Variants in TSHZ3 observed in about 807,000 individuals in gnomAD.
TSHZ3 encodes teashirt zinc finger homeobox 3, also known as teashirt homolog 3.
A neutral mutation model predicts 64.5 loss-of-function variants in TSHZ3; 10 were observed. The observed-to-expected ratio is 0.16, with a 90% CI of 0.10 to 0.26. TSHZ3 has a LOEUF of 0.26. TSHZ3 is among the 10% of genes least tolerant of loss of function. TSHZ3 has a pLI of 1.00. For synonymous variants in TSHZ3, 608 were observed against 593.1 expected (o/e 1.03, Z -0.36); for missense variants, 1,242 against 1,421.7 (o/e 0.87, Z 2.03).
intron 1 of TSHZ3, among the ~76,000 whole-genome samples, chr19:31,245,754 G>A (rs920903381): frequency 1.3e-5 from 2 of 152,170 alleles, no homozygotes; most frequent in African/African-American, 4.8e-5. Flanking sequence ...TGCATTCCCT[G>A]CCTCTGACGG....
Position 31,249,196 on chromosome 19 carries a change from T to C in TSHZ3, n.64-6321A>G, listed in dbSNP as rs1044991035. ...GTCCCGTTGGGTTGCAGAAGCTTTT[T>C]ATTGAATAAAGTTCCAGGGCTCCAG... On this transcript the variant is annotated intron_variant and non_coding_transcript_variant, in intron 1 of 6. Coordinates refer to the TSHZ3 transcript ENST00000651361. Among the ~76,000 whole-genome samples the C allele has an allele frequency of 3.3e-5, 5 of 152,318 alleles. 1 individual carries two copies. The highest frequency in any genetic ancestry group is 4.1e-4 in the South Asian group (2 of 4,824).
chr19:31,282,905 G>A (rs535489895), intron 1 of TSHZ3, among the ~76,000 whole-genome samples: 26 of 152,278 alleles, frequency 1.7e-4, no homozygotes, highest in African/African-American at 5.8e-4. Flanking sequence ...TCTTTCAAGC[G>A]CACACCCTCG....
intron 1 of TSHZ3, among the ~76,000 whole-genome samples, chr19:31,319,964 T>G (rs1483146709): frequency 6.6e-6 from 1 of 152,046 alleles, no homozygotes; most frequent in African/African-American, 2.4e-5. Context: ...GGAGAGTTTC[T>G]TGCCAAATCA....
intron 4 of TSHZ3, among the ~76,000 whole-genome samples, chr19:31,217,959 A>G (rs1274823044): frequency 6.6e-6 from 1 of 152,228 alleles, no homozygotes; most frequent in Non-Finnish European, 1.5e-5. Flanking sequence ...AAGATAACAT[A>G]GGAGAAAATC....
intron 1 of TSHZ3, among the ~76,000 whole-genome samples, chr19:31,298,479 C>T (rs1976699361): frequency 6.6e-6 from 1 of 152,144 alleles, no homozygotes; most frequent in African/African-American, 2.4e-5. Context: ...TTGTTTTGTT[C>T]CATTTCCTTG....
At chr19:31,270,894 A>G (rs887252190), downstream of TSHZ3, among the ~76,000 whole-genome samples, 5 of 152,220 alleles carry the variant, frequency 3.3e-5, no homozygotes, top group Non-Finnish European at 5.9e-5. Flanking sequence ...TTTATTAAGA[A>G]TATATCAGTA....
chr19:31,311,511 G>C (rs542718869), intron 1 of TSHZ3, among the ~76,000 whole-genome samples: 5 of 152,238 alleles, frequency 3.3e-5, no homozygotes, highest in African/African-American at 1.2e-4. Context: ...GAGACGTCTT[G>C]GTCCTACGGA....
At chr19:31,179,716 C>G (rs1974674008) in intron 5 of TSHZ3, among the ~76,000 whole-genome samples, 1 of 140,336 alleles carries the variant, frequency 7.1e-6, no homozygotes, top group African/African-American at 2.7e-5. Context: ...GTGGTGGTAA[C>G]AATGATGATG....
At chr19:31,335,108 G>A (rs1599655915) in intron 1 of TSHZ3, among the ~76,000 whole-genome samples, 1 of 152,184 alleles carries the variant, frequency 6.6e-6, no homozygotes, top group Non-Finnish European at 1.5e-5. Context: ...CCATTTTTAA[G>A]AGGGAGCAAA....
At chr19:31,197,449 A>T (rs1293729839) in intron 5 of TSHZ3, among the ~76,000 whole-genome samples, 1 of 151,778 alleles carries the variant, frequency 6.6e-6, no homozygotes, top group African/African-American at 2.4e-5. Flanking sequence ...GAGAAGAAAA[A>T]AATGAAAATT....
intron 5 of TSHZ3, among the ~76,000 whole-genome samples, chr19:31,177,708 G>A (rs1974632667): frequency 6.6e-6 from 1 of 152,186 alleles, no homozygotes; most frequent in African/African-American, 2.4e-5. Context: ...AGATCTTTGG[G>A]GGTTGCTTTT....
rs143914897 is a variant in TSHZ3 at position 31,169,839 on chromosome 19, C to A, written n.810-13422G>T. 2.8e-3 allele frequency among the ~76,000 whole-genome samples: 420 copies of A among 152,224 alleles called. 1 individual carries two copies. The highest frequency in any genetic ancestry group is 9.7e-3 in the African/African-American group (401 of 41,524). On this transcript the variant is annotated intron_variant and non_coding_transcript_variant, in intron 5 of 6. Coordinates refer to the TSHZ3 transcript ENST00000651361. ...GATTTGGTTATGAGGATATATGCTGCCCTAGAATTGTCCCAGGTTTTCATG... is the reference window on the plus strand; with the variant it reads ...GATTTGGTTATGAGGATATATGCTGACCTAGAATTGTCCCAGGTTTTCATG...
rs77680612 is a variant in TSHZ3, at chr19:31,248,485, G to A, written n.64-5610C>T. Reference sequence around the variant, plus strand: ...GAGTCAACAACCTGGCCAATACTGCGGAGAAGCTGTGTATACAGAATACTC... The same window carrying A: ...GAGTCAACAACCTGGCCAATACTGCAGAGAAGCTGTGTATACAGAATACTC... On this transcript the variant is annotated intron_variant and non_coding_transcript_variant, in intron 1 of 6. Transcript: ENST00000651361. 3.9e-3 allele frequency among the ~76,000 whole-genome samples: 596 copies of A among 152,228 alleles called. 2 individuals are homozygous for A. Among genetic ancestry groups the A allele is most frequent in the African/African-American group, 0.013 (558 of 41,522 alleles).
At chr19:31,252,197 G>T (rs762552104) in intron 1 of TSHZ3, among the ~76,000 whole-genome samples, 3 of 152,170 alleles carry the variant, frequency 2.0e-5, no homozygotes, top group Non-Finnish European at 4.4e-5. Flanking sequence ...TGTCTACAGG[G>T]TCATGCTCCC....
chr19:31,167,995 C>A (rs1447150116), intron 5 of TSHZ3, among the ~76,000 whole-genome samples: 3 of 152,122 alleles, frequency 2.0e-5, no homozygotes, highest in African/African-American at 7.2e-5. Context: ...AAAGAGAGCT[C>A]TTTTATATCT....
At chr19:31,307,466 A>G (rs2145150088) in intron 1 of TSHZ3, among the ~76,000 whole-genome samples, 1 of 152,226 alleles carries the variant, frequency 6.6e-6, no homozygotes, top group Non-Finnish European at 1.5e-5. Flanking sequence ...TCACCTGGAA[A>G]CAGCCCCACC....
At chr19:31,212,731 T>C (rs1975275218) in intron 4 of TSHZ3, among the ~76,000 whole-genome samples, 1 of 152,070 alleles carries the variant, frequency 6.6e-6, no homozygotes, top group African/African-American at 2.4e-5. Context: ...TAGCATACCA[T>C]CCTGCAATCC....
chr19:31,233,649 T>A (rs1280456400), intron 3 of TSHZ3, among the ~76,000 whole-genome samples: 1 of 152,162 alleles, frequency 6.6e-6, no homozygotes, highest in Admixed American at 6.5e-5. Context: ...CCTAGAAATA[T>A]TTGTCTACCC....
intron 1 of TSHZ3, among the ~76,000 whole-genome samples, chr19:31,341,625 TCTCTGA>T (rs1224902914): frequency 7.6e-6 from 1 of 131,226 alleles, no homozygotes; most frequent in Non-Finnish European, 1.6e-5. Context: ...TCTCTCTCTC[TCTCTGA>T]CACACACACA....
Sources: allele counts gnomAD v4.1 joint callset (sites outside exome capture counted in the v4.1 genomes callset), GRCh38; gene constraint gnomAD v4.1.1; transcripts MANE v1.5; gene names NCBI Gene and HGNC (gene_info 2026-07-23, HGNC 2026-07-21).